KIR3DL1: variants seen among roughly 807,000 people sequenced by gnomAD.
The protein encoded by KIR3DL1 is killer cell immunoglobulin like receptor, three Ig domains and long cytoplasmic tail 1.
KIR3DL1 carries 50 observed loss-of-function variants against 40.3 expected under a neutral mutation model. The observed-to-expected ratio is 1.24, with a 90% confidence interval of 0.99 to 1.57. The LOEUF (loss-of-function observed/expected upper bound fraction) is 1.57. Ranked by LOEUF, KIR3DL1 falls within the 40% of genes most tolerant of loss-of-function variation. The pLI is 0.00. For missense variants in KIR3DL1, 661 were observed against 559.9 expected (o/e 1.18, Z -1.82); for synonymous variants, 257 against 207.2 (o/e 1.24, Z -2.07).
At chr19:54,823,207 G>A (rs1422125574) in intron 5 of KIR3DL1, among the ~76,000 whole-genome samples, 1 of 150,658 alleles carries the variant, frequency 6.6e-6, no homozygotes, top group Non-Finnish European at 1.5e-5. Context: ...GCTAATTTTT[G>A]TATTTTTTTA....
intron 6 of KIR3DL1, among the ~76,000 whole-genome samples, chr19:54,825,452 C>T (rs1371292042): frequency 1.3e-5 from 2 of 150,322 alleles, no homozygotes; most frequent in African/African-American, 5.0e-5. Context: ...AGAAGTTCCA[C>T]TTGCCAAGGA....
At chr19:54,818,388 G>A in exon 3 of KIR3DL1, 4 of 1,607,250 alleles carry the variant, frequency 2.5e-6, no homozygotes, top group Middle Eastern at 1.7e-4. Flanking sequence ...TGACTCTTCG[G>A]TGTCACTATC....
rs375772762 is a variant in KIR3DL1, at chr19:54,820,297, T to C, written c.655+285T>C. Among the ~76,000 whole-genome samples the C allele has an allele frequency of 1.1e-4, 16 of 151,520 alleles. No homozygotes were observed. In the East Asian group the frequency reaches 2.3e-3, roughly 22 times the overall value. ...AGACATGTCCCAGAGAGAGGTGTCC[T>C]TCCATGCTGACTTTGCTCAGAGACC... On this transcript the variant is annotated intron_variant, in intron 4 of 8. Transcript: ENST00000391728.
chr19:54,816,899 G>C (rs1215186226), intron 1 of KIR3DL1, among the ~76,000 whole-genome samples: 1 of 142,304 alleles, frequency 7.0e-6, no homozygotes, highest in African/African-American at 2.7e-5. Flanking sequence ...TATGGGCCTG[G>C]AGGTGGAGTT....
At chr19:54,817,643 T>C (rs2061418278) in intron 2 of KIR3DL1, 74 bp downstream of exon 2, 2 of 1,238,830 alleles carry the variant, frequency 1.6e-6, no homozygotes, top group African/African-American at 3.6e-5. Context: ...AGGGAAGTCC[T>C]GTCGGGGAGT....
At chr19:54,818,543 C>A (rs2148072792) in exon 3 of KIR3DL1, 2 of 1,611,656 alleles carry the variant, frequency 1.2e-6, no homozygotes, top group South Asian at 1.1e-5. Context: ...GGTTCACACC[C>A]ACACTCCCCC....
intron 8 of KIR3DL1, 31 bp downstream of exon 8, chr19:54,830,011 A>C: frequency 6.6e-7 from 1 of 1,526,058 alleles, no homozygotes; most frequent in South Asian, 1.2e-5. Context: ...CCTCGTGGCT[A>C]GTGTTATTCC....
At chr19:54,817,463 A>G in intron 1 of KIR3DL1, 71 bp from the exon 2 acceptor site, 1 of 1,278,128 alleles carries the variant, frequency 7.8e-7, no homozygotes, top group South Asian at 1.2e-5. Context: ...CAAGACGCAC[A>G]GCCCAGTGGG....
chr19:54,822,931 T>C (rs1373475754), intron 5 of KIR3DL1, among the ~76,000 whole-genome samples: 8 of 148,036 alleles, frequency 5.4e-5, no homozygotes, highest in Non-Finnish European at 1.2e-4. Context: ...TGAACAGTGC[T>C]GGAACAGTCA....
intron 1 of KIR3DL1, among the ~76,000 whole-genome samples, chr19:54,816,984 G>A (rs1256013010): frequency 7.9e-6 from 1 of 126,922 alleles, no homozygotes; most frequent in Non-Finnish European, 1.6e-5. Flanking sequence ...TAGAGGTGGA[G>A]TTATGGGCCC....
In KIR3DL1 at chr19:54,821,076, G is replaced by C. The variant is rs896410850; in HGVS notation, c.656-489G>C. ...ATAAATAGAGACAGAGAGGCAGACA[G>C]AGAGGTAATAGAGAGAGAGATAGAT... On this transcript the variant is annotated intron_variant, in intron 4 of 8. Coordinates refer to ENST00000391728, the Ensembl canonical transcript of KIR3DL1. Among the ~76,000 whole-genome samples the C allele has an allele frequency of 1.7e-4, 26 of 150,368 alleles. 1 individual carries two copies. Among genetic ancestry groups the C allele is most frequent in the African/African-American group, 6.4e-4 (26 of 40,692 alleles).
rs373209957 is a variant in KIR3DL1 at position 54,819,116 on chromosome 19, C to T, written c.355+517C>T. ...AGAGGGAACGCAGCCCTGTAGACAC[C>T]TTGATTTCAGCACAGGGAGAACTGG... On this transcript the variant is annotated intron_variant, in intron 3 of 8. Coordinates refer to ENST00000391728, the Ensembl canonical transcript of KIR3DL1. Among the ~76,000 whole-genome samples, 5 of 151,318 alleles carry T rather than the reference C, an allele frequency of 3.3e-5. No homozygotes were observed. In the East Asian group the frequency reaches 7.7e-4, roughly 23 times the overall value.
At chr19:54,829,836 C>T (rs2062120514) in intron 7 of KIR3DL1, 92 bp from the exon 8 acceptor site, 4 of 1,265,058 alleles carry the variant, frequency 3.2e-6, no homozygotes, top group Admixed American at 3.9e-5. Context: ...CCTCAGGCAC[C>T]TATGGCCTCC....
intron 6 of KIR3DL1, among the ~76,000 whole-genome samples, chr19:54,825,627 T>A (rs2061845282): frequency 6.7e-6 from 1 of 150,116 alleles, no homozygotes; most frequent in South Asian, 2.1e-4. Context: ...ATTGTTGCCA[T>A]AACAAATTTC....
At position 54,823,650 on chromosome 19, in the gene KIR3DL1, A is replaced by C. The variant is rs758152901; in HGVS notation, c.950-1378A>C. Among the ~76,000 whole-genome samples, 171 of 151,478 alleles carry C rather than the reference A, an allele frequency of 1.1e-3. 2 individuals are homozygous for C. The highest frequency in any genetic ancestry group is 2.0e-3 in the Non-Finnish European group (133 of 67,952). ...GTAGCTGGGATTACAGGCATGTGCC[A>C]CCACGCCTAGCTAATTTTTGTATGT... is the stretch of plus-strand genomic sequence containing the variant. On this transcript the variant is annotated intron_variant, in intron 5 of 8. Coordinates refer to ENST00000391728, the Ensembl canonical transcript of KIR3DL1.
chr19:54,827,060 C>T (rs150993813), intron 6 of KIR3DL1, among the ~76,000 whole-genome samples: 14,886 of 129,564 alleles, frequency 0.11, 14 homozygotes, highest in South Asian at 0.2. Context: ...AATTGCCGCC[C>T]CACTGGTGAA....
rs2061531701 is a variant in KIR3DL1 at position 54,819,708 on chromosome 19, T to C, written c.356-5T>C. On this transcript the variant is annotated splice_polypyrimidine_tract_variant and splice_region_variant and intron_variant, in intron 3 of 8. Coordinates refer to ENST00000391728, the Ensembl canonical transcript of KIR3DL1. ...GCCTTCTAAACTCACAACTTCTCTTTCTAGGAAACCACAGAAAACCTTCCC... is the reference window on the plus strand; with the variant it reads ...GCCTTCTAAACTCACAACTTCTCTTCCTAGGAAACCACAGAAAACCTTCCC... 1.9e-6 allele frequency: 3 copies of C among 1,606,388 alleles called. No homozygotes were observed. The highest frequency in any genetic ancestry group is 2.7e-5 in the African/African-American group (2 of 74,198).
chr19:54,816,506 G>A (rs764815860), exon 1 of KIR3DL1: 14 of 1,607,446 alleles, frequency 8.7e-6, no homozygotes, highest in African/African-American at 1.4e-5. Context: ...GCACCATGTC[G>A]CTCATGGTCG....
At chr19:54,823,044 T>TTTC (rs1556586965) in intron 5 of KIR3DL1, among the ~76,000 whole-genome samples, 1 of 147,816 alleles carries the variant, frequency 6.8e-6, no homozygotes, top group Non-Finnish European at 1.5e-5. Context: ...TTTTTTTTTT[T>TTTC]CTTTTTTGAG....
Sources: allele counts gnomAD v4.1 joint callset (sites outside exome capture counted in the v4.1 genomes callset), GRCh38; gene constraint gnomAD v4.1.1; transcripts MANE v1.5; gene names NCBI Gene and HGNC (gene_info 2026-07-23, HGNC 2026-07-21).